Variants in NIPAL3 observed in about 807,000 individuals in gnomAD.
The protein encoded by NIPAL3 is NIPA like domain containing 3, also known as NIPA-like protein 3.
In NIPAL3, 41 loss-of-function variants were observed where a neutral mutation model predicts 47.2. That is an observed-to-expected ratio of 0.87 (90% CI 0.68 to 1.13). The LOEUF (loss-of-function observed/expected upper bound fraction) is 1.13, where lower values mean the gene tolerates loss of function less well. Among genes scored for constraint, NIPAL3 ranks in the 50% most tolerant of loss-of-function variants. The probability of loss-of-function intolerance (pLI) is 0.00; values close to 1 mark genes in which losing one functional copy is unlikely to be tolerated. For missense variants in NIPAL3, 449 were observed against 530.1 expected (o/e 0.85, Z 1.50); for synonymous variants, 194 against 209.6 (o/e 0.93, Z 0.64).
intron 7 of NIPAL3, 141 bp from the exon 8 acceptor site, chr1:24,455,997 T>C (rs1646180819): frequency 1.6e-5 from 15 of 948,116 alleles, no homozygotes; most frequent in Non-Finnish European, 2.4e-5. Context: ...CGTCTGTCAC[T>C]GTGCAAACTG....
intron 10 of NIPAL3, among the ~76,000 whole-genome samples, chr1:24,461,123 CAGT>C (rs1264129054): frequency 1.3e-5 from 2 of 152,128 alleles, no homozygotes; most frequent in Non-Finnish European, 2.9e-5. Context: ...AAATGCTCAG[CAGT>C]AGAATACAAG....
chr1:24,453,755 T>G (rs1308172124), intron 7 of NIPAL3, among the ~76,000 whole-genome samples: 1 of 152,092 alleles, frequency 6.6e-6, no homozygotes, highest in African/African-American at 2.4e-5. Flanking sequence ...ATAGGTCATG[T>G]AAGTTTGGGC....
chr1:24,432,511 G>A (rs773259887), intron 2 of NIPAL3, among the ~76,000 whole-genome samples: 2 of 152,160 alleles, frequency 1.3e-5, no homozygotes, highest in Non-Finnish European at 2.9e-5. Context: ...CCTAATAATA[G>A]CTACTATTTA....
At position 24,416,274 on chromosome 1, in the gene NIPAL3, G is replaced by C; in HGVS notation, c.-258+370G>C. The C allele has an allele frequency of 1.0e-6, 1 of 985,430 alleles. No homozygotes were observed. Among genetic ancestry groups the C allele is most frequent in the Non-Finnish European group, 1.2e-6 (1 of 829,952 alleles). 61.0% of individuals were successfully genotyped at this position (985,430 alleles called of 1,614,324 possible). A position where few individuals can be genotyped will look rare whatever the true frequency, so the allele number is the denominator to read the frequency against. ...CGTTCTTGGTCTAAGCCCGCTTCTG[G>C]AACAGAGGTGCTGTCTCCTCGAGTT... On this transcript the variant is annotated intron_variant, in intron 1 of 11. Transcript: ENST00000374399. This position sits in a 1 kb window ranked among gnomAD's most constrained non-coding sequence, Gnocchi z 4.8.
At chr1:24,457,660 G>A (rs1336780258) in intron 8 of NIPAL3, 2 of 488,834 alleles carry the variant, frequency 4.1e-6, no homozygotes, top group Non-Finnish European at 8.3e-6. Flanking sequence ...AAGTGGCGGA[G>A]CTGAGATCTG....
intron 8 of NIPAL3, 41 bp downstream of exon 8, chr1:24,456,314 G>A (rs1236982843): frequency 1.9e-6 from 3 of 1,613,412 alleles, no homozygotes; most frequent in Admixed American, 3.3e-5. Context: ...CTGCCATTCG[G>A]GCTGCTTCTC....
intron 2 of NIPAL3, among the ~76,000 whole-genome samples, chr1:24,422,780 T>TA (rs1644391764): frequency 6.6e-6 from 1 of 152,216 alleles, no homozygotes; most frequent in Admixed American, 6.5e-5. Flanking sequence ...TAGGCAGTGT[T>TA]ACTGTTCGCA....
chr1:24,451,490 A>G lies in NIPAL3; in HGVS notation c.540+1864A>G, dbSNP rs558581843. Among the ~76,000 whole-genome samples the G allele has an allele frequency of 6.6e-6, 1 of 152,010 alleles. No individual in the cohort carries two copies. Among genetic ancestry groups the G allele is most frequent in the Non-Finnish European group, 1.5e-5 (1 of 67,958 alleles). ...GTAGGAGGATTGCTTGAGCCCAGGAACTTGAGACCAGTGTGGGCAATGTGG... is the reference window on the plus strand; with the variant it reads ...GTAGGAGGATTGCTTGAGCCCAGGAGCTTGAGACCAGTGTGGGCAATGTGG... On this transcript the variant is annotated intron_variant, in intron 6 of 11. Transcript: ENST00000374399. The surrounding 1 kb of genome is among the most constrained non-coding windows in gnomAD (Gnocchi z 4.5).
intron 1 of NIPAL3, among the ~76,000 whole-genome samples, chr1:24,418,156 A>G (rs986961975): frequency 6.6e-6 from 1 of 152,228 alleles, no homozygotes; most frequent in East Asian, 1.9e-4. Context: ...CAAAGGTAAA[A>G]CAGGTAGCAC....
chr1:24,419,678 C>T lies in NIPAL3; in HGVS notation c.93+38C>T, dbSNP rs200988381. The T allele has an allele frequency of 2.5e-6, 4 of 1,583,258 alleles. No homozygotes were observed. The East Asian group carries it at 9.0e-5, about 36-fold the overall frequency. On this transcript the variant is annotated intron_variant, in intron 2 of 11. Transcript: ENST00000374399. ...TTGGGGTTTGGGAATTTGTATTTTC[C>T]TAGCAAGGAAGTTACACAGTGCTCT...
intron 1 of NIPAL3, 95 bp from the exon 2 acceptor site, chr1:24,419,196 C>T (rs1001486085): frequency 2.2e-5 from 13 of 583,790 alleles, no homozygotes; most frequent in African/African-American, 6.0e-5. Context: ...TGGCCGGTTA[C>T]GTTTTATCTG....
At position 24,454,680 on chromosome 1, in the gene NIPAL3, C is replaced by G; in HGVS notation, c.637+1176C>G. 1 of 519,430 alleles carries G rather than the reference C, an allele frequency of 1.9e-6. No individual in the cohort carries two copies. The highest frequency in any genetic ancestry group is 2.5e-6 in the Non-Finnish European group (1 of 404,374). 32.2% of individuals were successfully genotyped at this position (519,430 alleles called of 1,614,324 possible). A position where few individuals can be genotyped will look rare whatever the true frequency, so the allele number is the denominator to read the frequency against. ...AATCTAATTTTAGAACATTTTGTCA[C>G]CCCCAAAAGAAACCCTGTGCCCATT... On this transcript the variant is annotated intron_variant, in intron 7 of 11. Transcript: ENST00000374399. This position sits in a 1 kb window ranked among gnomAD's most constrained non-coding sequence, Gnocchi z 4.1.
chr1:24,441,193 G>C (rs770606791), intron 3 of NIPAL3, among the ~76,000 whole-genome samples: 98 of 152,300 alleles, frequency 6.4e-4, no homozygotes, highest in Middle Eastern at 3.4e-3. Flanking sequence ...CCCTGGAGCA[G>C]GCAGGAGACT....
intron 9 of NIPAL3, among the ~76,000 whole-genome samples, chr1:24,459,456 A>T (rs1646370078): frequency 6.6e-6 from 1 of 151,244 alleles, no homozygotes; most frequent in South Asian, 2.1e-4. Flanking sequence ...TTCACCTCTA[A>T]TTTTTTTTTG....
Position 24,442,157 on chromosome 1 carries a change from G to A in NIPAL3, c.265G>A (p.Gly89Ser), listed in dbSNP as rs1265233405. ...GLFLMLLGEL[G>S]VFASYAFAPL... ...GTTCCTGATGCTTCTGGGCGAGCTG[G>A]GTGTGTTCGCCTCCTACGCCTTCGC... The change falls in exon 4 of 12, where the codon GGT becomes AGT. Residue 89 changes from glycine (G) to serine (S), a missense_variant. Transcript: ENST00000374399. 1.2e-6 allele frequency: 2 copies of A among 1,614,144 alleles called. No individual in the cohort carries two copies. Among genetic ancestry groups the A allele is most frequent in the Non-Finnish European group, 1.7e-6 (2 of 1,180,024 alleles).
At chr1:24,415,657 C>G (rs1225644129), upstream of NIPAL3, 1 of 165,396 alleles carries the variant, frequency 6.0e-6, no homozygotes, top group Non-Finnish European at 1.2e-5. Context: ...GCAGCGCAGC[C>G]AATTGCCAGG....
In NIPAL3 at chr1:24,470,175, G is replaced by C. The variant is rs1370247605; in HGVS notation, c.*990G>C. The C allele has an allele frequency of 6.6e-6, 1 of 152,112 alleles. No homozygotes were observed. The allele number at this position is 152,112 out of a possible 1,614,324, so 9.4% of individuals were successfully genotyped here. On this transcript the variant is annotated 3_prime_UTR_variant, in exon 12 of 12. Transcript: ENST00000374399. ...CCTTGAAGTCAATAGAGACTCTCTG[G>C]GTCCTCATCCCCATGCATATATGTC...
At chr1:24,458,826 G>A in intron 8 of NIPAL3, 62 bp from the exon 9 acceptor site, 2 of 1,295,008 alleles carry the variant, frequency 1.5e-6, no homozygotes, top group Non-Finnish European at 2.2e-6. Context: ...CTCTACTGTT[G>A]TCAGCTCTTA....
intron 1 of NIPAL3, among the ~76,000 whole-genome samples, chr1:24,417,763 T>C (rs754425895): frequency 2.6e-5 from 4 of 152,200 alleles, no homozygotes; most frequent in African/African-American, 9.7e-5. Flanking sequence ...GTTCCCCTTA[T>C]CACATATGTA....
Sources: gnomAD v4.1 joint callset for allele counts (sites outside exome capture counted in the v4.1 genomes callset) on GRCh38, gnomAD v4.1.1 for gene constraint, Gnocchi (gnomAD v3.1) non-coding constraint, MANE v1.5 for transcripts, NCBI Gene and HGNC (gene_info 2026-07-23, HGNC 2026-07-21) for gene names.